The following CD163L1 variants were observed in gnomAD, a reference collection of about 807,000 sequenced individuals.
CD163L1 encodes scavenger receptor cysteine-rich type 1 protein M160.
CD163L1 carries 124 observed loss-of-function variants against 165.4 expected under a neutral mutation model. That is an observed-to-expected ratio of 0.75 (90% confidence interval 0.65 to 0.87). CD163L1 has a LOEUF of 0.87. Among genes scored for constraint, CD163L1 ranks in the 40% least tolerant of loss-of-function variants. The probability of loss-of-function intolerance (pLI) is 0.00; values close to 1 mark genes in which losing one functional copy is unlikely to be tolerated. For missense variants in CD163L1, 1,525 were observed against 1,799.9 expected (o/e 0.85, Z 2.76); for synonymous variants, 585 against 662.2 (o/e 0.88, Z 1.79).
chr12:7,409,724 G>GACTA (rs1387151907), intron 4 of CD163L1, among the ~76,000 whole-genome samples: 1 of 152,228 alleles, frequency 6.6e-6, no homozygotes, highest in Non-Finnish European at 1.5e-5. Flanking sequence ...GACTAGAACA[G>GACTA]ACTAGCCTTT....
intron 9 of CD163L1, among the ~76,000 whole-genome samples, chr12:7,377,755 G>T (rs1177510614): frequency 1.3e-5 from 2 of 152,110 alleles, no homozygotes; most frequent in Non-Finnish European, 2.9e-5. Flanking sequence ...TTAGCGATGT[G>T]ACATTCTGCC....
downstream of CD163L1, among the ~76,000 whole-genome samples, chr12:7,342,974 C>A (rs117066517): frequency 3.3e-5 from 5 of 152,230 alleles, no homozygotes; most frequent in East Asian, 7.7e-4. Context: ...ACCTGTTTAC[C>A]TGCTCTTCCT....
chr12:7,407,118 G>T (rs1047964887), intron 4 of CD163L1, among the ~76,000 whole-genome samples: 1 of 152,132 alleles, frequency 6.6e-6, no homozygotes, highest in African/African-American at 2.4e-5. Context: ...CTTTCTGATT[G>T]TGAATCACAA....
rs1335553635 is a variant in CD163L1 at position 7,421,500 on chromosome 12, T to TAC, written c.766+10914_766+10915dup. 5.2e-4 allele frequency among the ~76,000 whole-genome samples: 43 copies of TAC among 81,960 alleles called. 2 individuals are homozygous for TAC. Among genetic ancestry groups the TAC allele is most frequent in the South Asian group, 2.6e-3 (6 of 2,316 alleles). The allele number at this position is 81,960 out of a possible 152,430, so 53.8% of individuals were successfully genotyped here. A position where few individuals can be genotyped will look rare whatever the true frequency, so the allele number is the denominator to read the frequency against. On this transcript the variant is annotated intron_variant, in intron 4 of 19. Transcript: ENST00000313599. ...ATATATGTACATATATACATATATG[T>TAC]ACATATACATATACATATATGTACA...
intron 8 of CD163L1, among the ~76,000 whole-genome samples, chr12:7,383,654 C>A (rs1395544283): frequency 2.6e-5 from 4 of 152,126 alleles, no homozygotes; most frequent in Admixed American, 2.6e-4. Context: ...TTCACAACAG[C>A]CTTAACTAAT....
chr12:7,394,138 A>G (rs1947722149), intron 8 of CD163L1, among the ~76,000 whole-genome samples: 1 of 152,038 alleles, frequency 6.6e-6, no homozygotes, highest in Admixed American at 6.6e-5. Context: ...CATAGCCAAG[A>G]CAATCCTAAG....
In CD163L1 at chr12:7,374,817, C is replaced by T; in HGVS notation, c.3094+14G>A. 1.2e-6 allele frequency: 2 copies of T among 1,614,160 alleles called. No homozygotes were observed. ...TTTAGAGTTGCAGTGTTTCCTAAAA[C>T]TGATTCTGCTTACCTAAGCAGATCA... On this transcript the variant is annotated intron_variant, in intron 12 of 19. Transcript: ENST00000313599. This position sits in a 1 kb window ranked among gnomAD's most constrained non-coding sequence, Gnocchi z 5.4.
At chr12:7,366,112 T>C (rs1425785108) in intron 18 of CD163L1, among the ~76,000 whole-genome samples, 1 of 152,076 alleles carries the variant, frequency 6.6e-6, no homozygotes, top group African/African-American at 2.4e-5. Context: ...ATGGTGGAAC[T>C]AGAGGTCATT....
chr12:7,364,971 T>C (rs1459284027), intron 18 of CD163L1, among the ~76,000 whole-genome samples: 1 of 152,094 alleles, frequency 6.6e-6, no homozygotes, highest in African/African-American at 2.4e-5. Context: ...TAGCCAAAGC[T>C]ATTCTGAGCA....
At chr12:7,430,418 G>A (rs1003490287) in intron 4 of CD163L1, among the ~76,000 whole-genome samples, 4 of 152,038 alleles carry the variant, frequency 2.6e-5, no homozygotes, top group African/African-American at 9.7e-5. Context: ...AAAATGATAG[G>A]AATTGGATTT....
chr12:7,337,608 C>G, the CD163L1 span, among the ~76,000 whole-genome samples: 2 of 152,074 alleles, frequency 1.3e-5, no homozygotes, highest in East Asian at 3.9e-4. Context: ...AAATCAAAAC[C>G]ACAATGAGAT....
At position 7,406,782 on chromosome 12, in the gene CD163L1, G is replaced by A. The variant is rs200495806; in HGVS notation, c.837C>T (p.Ile279=). The A allele has an allele frequency of 6.2e-7, 1 of 1,613,906 alleles. No individual in the cohort carries two copies. The highest frequency in any genetic ancestry group is 2.2e-5 in the East Asian group (1 of 44,866). The part of the protein sequence containing the change: ...NRCMGRVELK[I]QGRWGTVCHH... ...GGCATACGGTCCCCCACCTTCCTTG[G>A]ATTTTCAGCTCTACTCTCCCCATAC... Residue 279 remains isoleucine, a synonymous_variant, in exon 5 of 20, where the codon ATC becomes ATT. Coordinates refer to ENST00000313599, the MANE Select transcript of CD163L1 (RefSeq NM_174941.6).
chr12:7,431,558 C>T (rs1565816740), intron 4 of CD163L1, among the ~76,000 whole-genome samples: 2 of 148,770 alleles, frequency 1.3e-5, no homozygotes, highest in Non-Finnish European at 1.5e-5. Context: ...AGTTGAACAA[C>T]GAGAACGCAT....
rs777062051 is a variant in CD163L1, at chr12:7,375,414, T to C, written c.2868A>G (p.Gly956=). 6.2e-7 allele frequency: 1 copy of C among 1,614,174 alleles called. No homozygotes were observed. Among genetic ancestry groups the C allele is most frequent in the East Asian group, 2.2e-5 (1 of 44,876 alleles). The change falls in exon 11 of 20, where the codon GGA becomes GGG. Residue 956 remains glycine, a synonymous_variant. Transcript: ENST00000313599. ...GTCCCCACACACGAACACTTCTTTC[T>C]CCAATATATTTTCCTCCTGTGGTTG... is the stretch of plus-strand genomic sequence containing the variant. ...ALSTTGGKYI[G]ERSVRVWGHR... is the part of the protein sequence containing the mutation.
intron 18 of CD163L1, among the ~76,000 whole-genome samples, chr12:7,366,522 T>A (rs1308524113): frequency 6.6e-6 from 1 of 152,182 alleles, no homozygotes; most frequent in African/African-American, 2.4e-5. Flanking sequence ...TGTACATCAA[T>A]ACAAAAACAA....
At chr12:7,345,441 C>T (rs1192183337), downstream of CD163L1, among the ~76,000 whole-genome samples, 1 of 152,122 alleles carries the variant, frequency 6.6e-6, no homozygotes, top group African/African-American at 2.4e-5. Flanking sequence ...CATTAAGTTC[C>T]TCAATTTCAT....
rs765108637 is a variant in CD163L1, at chr12:7,389,300, A to C, written c.2050+6795T>G. 2.6e-5 allele frequency among the ~76,000 whole-genome samples: 4 copies of C among 152,280 alleles called. No homozygotes were observed. In the East Asian group the frequency reaches 7.7e-4, roughly 29 times the overall value. ...CTGTCTTTTGGACACAAACCATTTA[A>C]CTGGGGTAATATGATATCTCATTGT... On this transcript the variant is annotated intron_variant, in intron 8 of 19. Coordinates refer to ENST00000313599, the MANE Select transcript of CD163L1 (RefSeq NM_174941.6).
Position 7,396,331 on chromosome 12 carries a change from C to T in CD163L1, c.1814G>A (p.Gly605Asp). The T allele has an allele frequency of 6.2e-7, 1 of 1,614,156 alleles. No individual in the cohort carries two copies. The highest frequency in any genetic ancestry group is 8.5e-7 in the Non-Finnish European group (1 of 1,180,000). ...GTTCCAGCCGTCATCACACACTGTG[C>T]CCCACCGTCCTTGAAAGTACACCTC... ...RLEVYFQGRW[G>D]TVCDDGWNSK... is the part of the protein sequence containing the mutation. Residue 605 changes from glycine to aspartate, a missense_variant, in exon 8 of 20, where the codon GGC becomes GAC. Physicochemically the swap from Gly to Asp is moderately conservative, Grantham distance 94. Transcript: ENST00000313599.
intron 8 of CD163L1, among the ~76,000 whole-genome samples, chr12:7,393,287 T>C (rs954514374): frequency 6.6e-6 from 1 of 152,084 alleles, no homozygotes; most frequent in African/African-American, 2.4e-5. Context: ...TCAACAAACA[T>C]AATCCATCAC....
Sources: gnomAD v4.1 joint callset for allele counts (sites outside exome capture counted in the v4.1 genomes callset) on GRCh38, gnomAD v4.1.1 for gene constraint, Gnocchi (gnomAD v3.1) non-coding constraint, MANE v1.5 for transcripts, NCBI Gene and HGNC (gene_info 2026-07-23, HGNC 2026-07-21) for gene names.